TAF3: variants seen among roughly 807,000 people sequenced by gnomAD.
TAF3 encodes the protein TATA-box binding protein associated factor 3, also known as transcription initiation factor TFIID subunit 3.
Under a neutral mutation model 80.6 loss-of-function variants are expected in TAF3, and 7 were observed. The ratio of observed to expected loss-of-function variants is 0.09; its 90% confidence interval spans 0.05 to 0.16. TAF3 has a LOEUF of 0.16. Among genes scored for constraint, TAF3 ranks in the 10% least tolerant of loss-of-function variants. The probability of loss-of-function intolerance (pLI) is 1.00; values close to 1 mark genes in which losing one functional copy is unlikely to be tolerated. For missense variants in TAF3, 921 were observed against 1,140.2 expected (o/e 0.81, Z 2.77); for synonymous variants, 444 against 446.1 (o/e 1.00, Z 0.06).
intron 4 of TAF3, among the ~76,000 whole-genome samples, chr10:7,982,262 C>A (rs1014232708): frequency 2.0e-5 from 3 of 151,234 alleles, no homozygotes; most frequent in African/African-American, 4.9e-5. Context: ...ATAGTACAGT[C>A]GGAAATAGAA....
chr10:7,891,103 C>A (rs1331561963), intron 2 of TAF3, among the ~76,000 whole-genome samples: 1 of 152,136 alleles, frequency 6.6e-6, no homozygotes, highest in Non-Finnish European at 1.5e-5. Flanking sequence ...ATGGAGAGGA[C>A]ATTTGTTAAT....
chr10:7,974,133 TACACACACAC>T lies in TAF3; in HGVS notation c.2233-3078_2233-3069del, dbSNP rs56363651. Among the ~76,000 whole-genome samples, 728 of 145,214 alleles carry T rather than the reference TACACACACAC, an allele frequency of 5.0e-3. 9 individuals are homozygous for T. The South Asian group carries it at 0.052, about 10-fold the overall frequency. ...ACAGAGTGAGATTCCTTCTGAAACA[TACACACACAC>T]ACACACACACACACACACACACACA... is the stretch of plus-strand genomic sequence containing the variant. On this transcript the variant is annotated intron_variant, in intron 3 of 6. Coordinates refer to ENST00000344293, the MANE Select transcript of TAF3 (RefSeq NM_031923.4).
intron 2 of TAF3, among the ~76,000 whole-genome samples, chr10:7,876,457 T>C (rs1459244503): frequency 6.6e-6 from 1 of 152,226 alleles, no homozygotes; most frequent in East Asian, 1.9e-4. Context: ...CTAAAAGTTT[T>C]CTTGTTGGTT....
chr10:7,988,359 G>A (rs1046171926), intron 4 of TAF3, among the ~76,000 whole-genome samples: 2 of 151,850 alleles, frequency 1.3e-5, no homozygotes, highest in African/African-American at 4.8e-5. Flanking sequence ...GGAGGCCAAG[G>A]CAAACAGATG....
chr10:8,007,612 C>CTATATTTTT (rs1832009615), intron 4 of TAF3, among the ~76,000 whole-genome samples: 1 of 41,122 alleles, frequency 2.4e-5, no homozygotes, highest in African/African-American at 9.5e-5. Context: ...ATATATATAC[C>CTATATTTTT]TTTTTTTTTT....
chr10:7,821,246 A>G (rs985949500), intron 1 of TAF3, among the ~76,000 whole-genome samples: 2 of 151,848 alleles, frequency 1.3e-5, no homozygotes, highest in South Asian at 2.1e-4. Flanking sequence ...TAATTTTGGT[A>G]TACTTATTAG....
At chr10:7,957,984 A>G (rs1190554424) in intron 2 of TAF3, among the ~76,000 whole-genome samples, 1 of 152,140 alleles carries the variant, frequency 6.6e-6, no homozygotes, top group Non-Finnish European at 1.5e-5. Context: ...TTGCAGTTTT[A>G]TAATACACAG....
intron 2 of TAF3, among the ~76,000 whole-genome samples, chr10:7,946,924 A>G (rs1043719993): frequency 1.3e-5 from 2 of 152,096 alleles, no homozygotes; most frequent in Non-Finnish European, 2.9e-5. Flanking sequence ...TTTTTAAAAA[A>G]ATAATTATTT....
At chr10:7,899,445 A>G (rs2131169941) in intron 2 of TAF3, among the ~76,000 whole-genome samples, 1 of 152,306 alleles carries the variant, frequency 6.6e-6, no homozygotes, top group South Asian at 2.1e-4. Flanking sequence ...TTCTGTCCTG[A>G]GGAGCAGTTT....
chr10:7,860,805 T>C (rs949357332), intron 2 of TAF3, among the ~76,000 whole-genome samples: 2 of 134,002 alleles, frequency 1.5e-5, no homozygotes, highest in African/African-American at 5.5e-5. Context: ...TCTTTCTTTC[T>C]TTTTTTTTTT....
At chr10:7,977,638 C>G (rs1274919664) in intron 4 of TAF3, among the ~76,000 whole-genome samples, 1 of 152,134 alleles carries the variant, frequency 6.6e-6, no homozygotes, top group Non-Finnish European at 1.5e-5. Context: ...ACTGAATGGA[C>G]TTACTGCCAC....
intron 2 of TAF3, among the ~76,000 whole-genome samples, chr10:7,862,681 C>T (rs1399473057): frequency 6.6e-6 from 1 of 152,184 alleles, no homozygotes; most frequent in African/African-American, 2.4e-5. Context: ...CTCCTCTTCC[C>T]TCCTCCCCAG....
intron 2 of TAF3, among the ~76,000 whole-genome samples, chr10:7,865,494 C>T (rs1015968998): frequency 6.9e-6 from 1 of 145,772 alleles, no homozygotes; most frequent in Non-Finnish European, 1.5e-5. Flanking sequence ...AACAAACAAA[C>T]AAACAAACAA....
chr10:7,886,865 A>C (rs577979436), intron 2 of TAF3, among the ~76,000 whole-genome samples: 2 of 152,360 alleles, frequency 1.3e-5, no homozygotes, highest in East Asian at 3.9e-4. Context: ...CTTGAATTGG[A>C]AAAATTTTAA....
chr10:7,922,309 T>C (rs1837770560), intron 2 of TAF3, among the ~76,000 whole-genome samples: 1 of 152,088 alleles, frequency 6.6e-6, no homozygotes, highest in Non-Finnish European at 1.5e-5. Flanking sequence ...GATTTCTTTA[T>C]TGCTGTTTCA....
intron 2 of TAF3, among the ~76,000 whole-genome samples, chr10:7,899,301 A>G (rs1248252137): frequency 6.6e-6 from 1 of 152,076 alleles, no homozygotes. Flanking sequence ...GCCCAAGGGA[A>G]GAAGGAATCG....
At chr10:7,963,573 C>A (rs111375243) in intron 2 of TAF3, among the ~76,000 whole-genome samples, 1 of 151,978 alleles carries the variant, frequency 6.6e-6, no homozygotes, top group Non-Finnish European at 1.5e-5. Flanking sequence ...GTTTGAACGC[C>A]GCATGTTCTC....
chr10:7,826,410 G>A (rs1836741419), intron 2 of TAF3, among the ~76,000 whole-genome samples: 2 of 152,180 alleles, frequency 1.3e-5, no homozygotes, highest in South Asian at 4.1e-4. Flanking sequence ...TTTAGATTAG[G>A]TAGTGAAGAA....
At chr10:7,856,295 G>T (rs1399422304) in intron 2 of TAF3, among the ~76,000 whole-genome samples, 1 of 152,032 alleles carries the variant, frequency 6.6e-6, no homozygotes, top group African/African-American at 2.4e-5. Context: ...GGCCAGCATG[G>T]TGAAACCCCG....
Sources: allele counts gnomAD v4.1 joint callset (sites outside exome capture counted in the v4.1 genomes callset), GRCh38; gene constraint gnomAD v4.1.1; transcripts MANE v1.5; gene names NCBI Gene and HGNC (gene_info 2026-07-23, HGNC 2026-07-21).